TCERG1L: variants seen among roughly 807,000 people sequenced by gnomAD.
TCERG1L encodes transcription elongation regulator 1 like.
Under a neutral mutation model 56.3 loss-of-function variants are expected in TCERG1L, and 37 were observed. That is an observed-to-expected ratio of 0.66 (90% confidence interval 0.51 to 0.87). The LOEUF is 0.87. TCERG1L is among the 40% of genes least tolerant of loss of function. The probability of loss-of-function intolerance (pLI) is 0.00; values close to 1 mark genes in which losing one functional copy is unlikely to be tolerated. For missense variants in TCERG1L, 799 were observed against 774.2 expected (o/e 1.03, Z -0.38); for synonymous variants, 324 against 326.3 (o/e 0.99, Z 0.08).
chr10:131,288,452 G>A (rs1324409712), intron 3 of TCERG1L, among the ~76,000 whole-genome samples: 4 of 152,054 alleles, frequency 2.6e-5, no homozygotes, highest in East Asian at 1.9e-4. Context: ...GGACCAGACC[G>A]ACCCTCTCAG....
chr10:131,153,720 C>T (rs1010454925), intron 6 of TCERG1L, among the ~76,000 whole-genome samples: 1 of 152,320 alleles, frequency 6.6e-6, no homozygotes, highest in Non-Finnish European at 1.5e-5. Context: ...ATGCTGGGAG[C>T]AGCCAGCACC....
intron 6 of TCERG1L, among the ~76,000 whole-genome samples, chr10:131,151,997 C>T (rs1845871669): frequency 6.6e-6 from 1 of 152,192 alleles, no homozygotes; most frequent in South Asian, 2.1e-4. Flanking sequence ...GGATGCAGGG[C>T]ACCTTGTTTC....
At chr10:131,130,367 G>A (rs1272172733) in intron 8 of TCERG1L, among the ~76,000 whole-genome samples, 4 of 152,126 alleles carry the variant, frequency 2.6e-5, no homozygotes, top group Non-Finnish European at 5.9e-5. Context: ...GACTTGGGTG[G>A]GGACACAGCC....
At chr10:131,104,642 G>A (rs907594694) in intron 9 of TCERG1L, among the ~76,000 whole-genome samples, 4 of 152,128 alleles carry the variant, frequency 2.6e-5, no homozygotes, top group Non-Finnish European at 5.9e-5. Context: ...GTGGAGGCGT[G>A]GCATTCTGGA....
chr10:131,174,480 G>A (rs759114077), intron 4 of TCERG1L, among the ~76,000 whole-genome samples: 24 of 152,064 alleles, frequency 1.6e-4, no homozygotes, highest in Non-Finnish European at 3.1e-4. Flanking sequence ...TCCCCTGGTC[G>A]GGGCTGGGCT....
At chr10:131,106,093 G>A (rs1250819098) in intron 9 of TCERG1L, among the ~76,000 whole-genome samples, 1 of 152,252 alleles carries the variant, frequency 6.6e-6, no homozygotes, top group Non-Finnish European at 1.5e-5. Context: ...TTCATTGCTA[G>A]TGAGGTGTTG....
intron 4 of TCERG1L, among the ~76,000 whole-genome samples, chr10:131,198,102 C>T (rs1045404505): frequency 9.2e-5 from 14 of 152,236 alleles, no homozygotes; most frequent in African/African-American, 3.1e-4. Flanking sequence ...CCTGTGGCGA[C>T]ATGCCCATGG....
intron 4 of TCERG1L, among the ~76,000 whole-genome samples, chr10:131,194,079 TA>T (rs150573419): frequency 0.018 from 2,714 of 152,348 alleles, 65 homozygotes; most frequent in South Asian, 0.1. Flanking sequence ...GCGGCGTGCC[TA>T]GGCTTCCGGC....
At chr10:131,291,174 T>G (rs953994442) in intron 3 of TCERG1L, among the ~76,000 whole-genome samples, 2 of 152,266 alleles carry the variant, frequency 1.3e-5, no homozygotes, top group African/African-American at 4.8e-5. Context: ...ATTTTTATTA[T>G]AATATTAGAA....
intron 7 of TCERG1L, among the ~76,000 whole-genome samples, chr10:131,144,490 C>T (rs1845773217): frequency 1.3e-5 from 2 of 152,046 alleles, no homozygotes; most frequent in African/African-American, 2.4e-5. Flanking sequence ...AGTGCATTTT[C>T]GGGAATGGGA....
intron 3 of TCERG1L, among the ~76,000 whole-genome samples, chr10:131,291,573 CCCG>C (rs1360981723): frequency 6.6e-6 from 1 of 150,654 alleles, no homozygotes; most frequent in Admixed American, 6.6e-5. Context: ...ACTACAGGCG[CCCG>C]CCAACACACC....
chr10:131,124,655 A>G (rs1845546847), intron 8 of TCERG1L, among the ~76,000 whole-genome samples: 2 of 129,272 alleles, frequency 1.5e-5, no homozygotes, highest in Admixed American at 1.7e-4. Context: ...TTGGCTCATC[A>G]TCGCTGCCTG....
chr10:131,201,101 A>G (rs556488144), intron 4 of TCERG1L, among the ~76,000 whole-genome samples: 8 of 152,326 alleles, frequency 5.3e-5, no homozygotes, highest in African/African-American at 1.9e-4. Context: ...CTGGCAACTA[A>G]GTTTCAACAC....
chr10:131,186,036 C>T (rs34623151), intron 4 of TCERG1L, among the ~76,000 whole-genome samples: 17,044 of 152,184 alleles, frequency 0.11, 1,107 homozygotes, highest in East Asian at 0.22. Context: ...ATGAAAGGGA[C>T]GAACTGCTGA....
intron 4 of TCERG1L, among the ~76,000 whole-genome samples, chr10:131,225,120 G>C (rs932957480): frequency 6.6e-6 from 1 of 152,156 alleles, no homozygotes; most frequent in South Asian, 2.1e-4. Flanking sequence ...CCAGTAGTCC[G>C]ACTCACTCCC....
chr10:131,309,245 C>G lies in TCERG1L; in HGVS notation c.397G>C (p.Glu133Gln), dbSNP rs144573375. The G allele has an allele frequency of 1.0e-3, 1,633 of 1,605,808 alleles. 1 individual carries two copies. The highest frequency in any genetic ancestry group is 1.3e-3 in the Non-Finnish European group (1,521 of 1,177,380). The change falls in exon 2 of 12, where the codon GAG becomes CAG. Residue 133 changes from glutamate (E) to glutamine (Q), a missense_variant. Transcript: ENST00000368642. ...SLGLPPSSTVELVPVFPHLCP... is the reference protein window; with the variant it reads ...SLGLPPSSTVQLVPVFPHLCP... Reference sequence around the variant, plus strand: ...AGATGTGGGAAGACGGGCACCAGCTCCACTGTGGAAGAGGGGGGCAGTCCT... The same window carrying G: ...AGATGTGGGAAGACGGGCACCAGCTGCACTGTGGAAGAGGGGGGCAGTCCT...
At chr10:131,298,691 G>C (rs1212590854) in intron 3 of TCERG1L, among the ~76,000 whole-genome samples, 1 of 152,214 alleles carries the variant, frequency 6.6e-6, no homozygotes, top group Middle Eastern at 3.2e-3. Flanking sequence ...TGGGATTAGA[G>C]GCATGAGCCA....
rs893499 is a variant in TCERG1L, at chr10:131,207,329, C to T, written c.857-40444G>A. Among the ~76,000 whole-genome samples, 740 of 152,298 alleles carry T rather than the reference C, an allele frequency of 4.9e-3. 2 individuals carry two copies. Among genetic ancestry groups the T allele is most frequent in the Non-Finnish European group, 7.7e-3 (524 of 68,028 alleles). On this transcript the variant is annotated intron_variant, in intron 4 of 11. Coordinates refer to ENST00000368642, the MANE Select transcript of TCERG1L (RefSeq NM_174937.4). ...AGCATGAGTGTCACCTGGTTTCACG[C>T]GCAGGCCTGGTGGACAGGCGTCTTG...
rs1846297957 is a variant in TCERG1L at position 131,267,350 on chromosome 10, G to A, written c.671-6906C>T. 6.6e-6 allele frequency among the ~76,000 whole-genome samples: 1 copy of A among 152,112 alleles called. No homozygotes were observed. The highest frequency in any genetic ancestry group is 6.6e-5 in the Admixed American group (1 of 15,264). ...GGAGTAAGCACTGGAAGCAGGGAGA[G>A]GCCAGGCAGCAGGAGCAGATACCCC... On this transcript the variant is annotated intron_variant, in intron 3 of 11. Transcript: ENST00000368642. The surrounding 1 kb of genome is among the most constrained non-coding windows in gnomAD (Gnocchi z 4.9).
Sources: allele counts gnomAD v4.1 joint callset (sites outside exome capture counted in the v4.1 genomes callset), GRCh38; gene constraint gnomAD v4.1.1; non-coding constraint Gnocchi (gnomAD v3.1); transcripts MANE v1.5; gene names NCBI Gene and HGNC (gene_info 2026-07-23, HGNC 2026-07-21).